The following ADAM10 variants were observed in gnomAD, a reference collection of about 807,000 sequenced individuals.
ADAM10 encodes the protein disintegrin and metalloproteinase domain-containing protein 10.
In ADAM10, 17 loss-of-function variants were observed where a neutral mutation model predicts 90.1. The observed-to-expected ratio is 0.19, with a 90% CI of 0.13 to 0.28. The LOEUF (loss-of-function observed/expected upper bound fraction) is 0.28. Among genes scored for constraint, ADAM10 ranks in the 10% least tolerant of loss-of-function variants. The pLI, the probability that ADAM10 is intolerant of heterozygous loss-of-function variation, is 1.00. For missense variants in ADAM10, 610 were observed against 914.3 expected, an observed-to-expected ratio of 0.67 and a Z score of 4.29; for synonymous variants, 310 against 298.6, an observed-to-expected ratio of 1.04 and a Z score of -0.40.
Position 58,615,945 on chromosome 15 carries a change from T to G in ADAM10, c.1512-3954A>C, listed in dbSNP as rs796831050. Among the ~76,000 whole-genome samples, 149 of 152,094 alleles carry G rather than the reference T, an allele frequency of 9.8e-4. 1 individual carries two copies. Among genetic ancestry groups the G allele is most frequent in the African/African-American group, 3.4e-3 (140 of 41,498 alleles). On this transcript the variant is annotated intron_variant, in intron 11 of 15. Transcript: ENST00000260408. ...ATCGCTTGAACCCGGGAGGCGCAGG[T>G]TGCAGTGAGCCGAGATCATGCCACT...
chr15:58,709,363 A>G (rs1233498125), intron 2 of ADAM10, among the ~76,000 whole-genome samples: 2 of 152,160 alleles, frequency 1.3e-5, no homozygotes, highest in African/African-American at 4.8e-5. Flanking sequence ...GAAAAACAAT[A>G]TATAGGCTTT....
At chr15:58,673,693 A>C (rs1897249473) in intron 4 of ADAM10, among the ~76,000 whole-genome samples, 1 of 151,904 alleles carries the variant, frequency 6.6e-6, no homozygotes. Context: ...TATTTTTTCC[A>C]GATTCTGCTA....
chr15:58,635,588 G>A lies in ADAM10; in HGVS notation c.1013-2229C>T, dbSNP rs543795788. ...TACTTTTGGAGCTCAGTCCTGAGAA[G>A]CACATCATTATTTCTGGAAACCAGA... On this transcript the variant is annotated intron_variant, in intron 8 of 15. Transcript: ENST00000260408. Among the ~76,000 whole-genome samples the A allele has an allele frequency of 1.1e-4, 16 of 152,148 alleles. No individual in the cohort carries two copies. The East Asian group carries it at 3.1e-3, about 29-fold the overall frequency.
rs1306187001 is a variant in ADAM10, at chr15:58,597,338, T to C, written c.*209A>G. 13 of 1,520,482 alleles carry C rather than the reference T, an allele frequency of 8.5e-6. No homozygotes were observed. The highest frequency in any genetic ancestry group is 2.1e-5 in the Admixed American group (1 of 46,838). The allele number at this position is 1,520,482 out of a possible 1,614,324, so 94.2% of individuals were successfully genotyped here. On this transcript the variant is annotated 3_prime_UTR_variant, in exon 16 of 16. Transcript: ENST00000260408. ...AATATCTGTTCATAAGAAAATTGGGTTCCTTTTCCACCTCCCACCCCCAAA... is the reference window on the plus strand; with the variant it reads ...AATATCTGTTCATAAGAAAATTGGGCTCCTTTTCCACCTCCCACCCCCAAA...
chr15:58,749,622 C>T lies in ADAM10; in HGVS notation c.-88G>A. ...AGGGAGAAGCTGAAGGGGCTTGGTC[C>T]GGAGCCTCCACGGGAAGCCGGGACC... is the stretch of plus-strand genomic sequence containing the variant. On this transcript the variant is annotated 5_prime_UTR_variant, in exon 1 of 16. Coordinates refer to ENST00000260408, the MANE Select transcript of ADAM10 (RefSeq NM_001110.4). 6.5e-7 allele frequency: 1 copy of T among 1,539,812 alleles called. No homozygotes were observed. The highest frequency in any genetic ancestry group is 8.8e-7 in the Non-Finnish European group (1 of 1,140,284).
chr15:58,665,565 T>C (rs529221259), intron 4 of ADAM10, among the ~76,000 whole-genome samples: 19 of 152,090 alleles, frequency 1.2e-4, no homozygotes, highest in Non-Finnish European at 2.4e-4. Context: ...CCTTCTGCAG[T>C]ATTCCTGAGC....
At chr15:58,709,160 C>A (rs999607818) in intron 2 of ADAM10, among the ~76,000 whole-genome samples, 5 of 152,026 alleles carry the variant, frequency 3.3e-5, no homozygotes, top group Non-Finnish European at 5.9e-5. Context: ...ATTAAAAGAA[C>A]CTTTAGTCAC....
Position 58,679,289 on chromosome 15 carries a change from A to C in ADAM10, c.326-7T>G. The C allele has an allele frequency of 6.2e-7, 1 of 1,613,732 alleles. No individual in the cohort carries two copies. The highest frequency in any genetic ancestry group is 2.2e-5 in the East Asian group (1 of 44,832). ...CTAAAACTTCCTTCTTCACCTATTA[A>C]TGAAAGCAACAAATTCTTGACAATT... On this transcript the variant is annotated splice_region_variant and splice_polypyrimidine_tract_variant and intron_variant, in intron 3 of 15. Transcript: ENST00000260408.
chr15:58,658,700 T>C (rs74017259), intron 5 of ADAM10, among the ~76,000 whole-genome samples: 7,638 of 152,276 alleles, frequency 0.05, 660 homozygotes, highest in African/African-American at 0.17. Context: ...TGTACACATC[T>C]TGCACATATT....
At chr15:58,749,410 G>T in intron 1 of ADAM10, 70 bp downstream of exon 1, 1 of 1,429,902 alleles carries the variant, frequency 7.0e-7, no homozygotes, top group Non-Finnish European at 9.2e-7. Context: ...AGGCGCGACT[G>T]GGCTCCGCTC....
At chr15:58,630,385 G>T (rs1896070677) in intron 9 of ADAM10, among the ~76,000 whole-genome samples, 1 of 152,120 alleles carries the variant, frequency 6.6e-6, no homozygotes, top group African/African-American at 2.4e-5. Flanking sequence ...TGACAGATGA[G>T]GAGAGATAAC....
chr15:58,720,702 A>G (rs908302945), intron 1 of ADAM10, among the ~76,000 whole-genome samples: 9 of 152,172 alleles, frequency 5.9e-5, no homozygotes, highest in Admixed American at 5.9e-4. Context: ...CGCCCGGCCT[A>G]GCATGGAACT....
At chr15:58,604,761 T>C (rs1439737636) in intron 14 of ADAM10, among the ~76,000 whole-genome samples, 2 of 152,204 alleles carry the variant, frequency 1.3e-5, no homozygotes, top group African/African-American at 4.8e-5. Context: ...TTTTTTCTCT[T>C]TTAAGAGACA....
intron 1 of ADAM10, among the ~76,000 whole-genome samples, chr15:58,732,021 C>A (rs35398058): frequency 0.08 from 12,108 of 152,046 alleles, 484 homozygotes; most frequent in East Asian, 0.095. Context: ...ATCTGCAGAT[C>A]CTACATGTCA....
chr15:58,711,889 G>T (rs937380208), intron 2 of ADAM10, among the ~76,000 whole-genome samples: 10 of 151,988 alleles, frequency 6.6e-5, no homozygotes, highest in Non-Finnish European at 1.2e-4. Flanking sequence ...CTTTGAAACG[G>T]TGTTTCAGAA....
intron 2 of ADAM10, among the ~76,000 whole-genome samples, chr15:58,716,913 G>T (rs1001219535): frequency 6.6e-6 from 1 of 151,970 alleles, no homozygotes; most frequent in Non-Finnish European, 1.5e-5. Flanking sequence ...AAAATAAGGG[G>T]TGTTCAGCCA....
chr15:58,726,141 A>G (rs1377524128), intron 1 of ADAM10, among the ~76,000 whole-genome samples: 1 of 152,234 alleles, frequency 6.6e-6, no homozygotes, highest in African/African-American at 2.4e-5. Context: ...ACAGCACAAC[A>G]GAAAACAGAG....
chr15:58,636,732 A>C (rs1418539838), intron 8 of ADAM10, among the ~76,000 whole-genome samples: 2 of 151,862 alleles, frequency 1.3e-5, no homozygotes, highest in African/African-American at 2.4e-5. Flanking sequence ...CCCACCCCCC[A>C]AAAAAAAGTC....
chr15:58,749,001 G>A, intron 1 of ADAM10: 2 of 399,348 alleles, frequency 5.0e-6, no homozygotes, highest in Non-Finnish European at 8.8e-6. Flanking sequence ...GGTCTCGGCG[G>A]CGGAGAGGAC....
Sources: gnomAD v4.1 joint callset for allele counts (sites outside exome capture counted in the v4.1 genomes callset) on GRCh38, gnomAD v4.1.1 for gene constraint, MANE v1.5 for transcripts, NCBI Gene and HGNC (gene_info 2026-07-23, HGNC 2026-07-21) for gene names.